The following COL5A2 variants were observed in gnomAD, a reference collection of about 807,000 sequenced individuals.
COL5A2 encodes the protein collagen type V alpha 2 chain, also known as collagen alpha-2(V) chain.
In COL5A2, 23 loss-of-function variants were observed where a neutral mutation model predicts 208.2. That is an observed-to-expected ratio of 0.11 (90% CI 0.08 to 0.16). COL5A2 has a LOEUF of 0.16. Among genes scored for constraint, COL5A2 ranks in the 10% least tolerant of loss-of-function variants. COL5A2 has a pLI of 1.00. For missense variants in COL5A2, 1,590 were observed against 1,956.4 expected, an observed-to-expected ratio of 0.81 and a Z score of 3.53; for synonymous variants, 625 against 628.5, an observed-to-expected ratio of 0.99 and a Z score of 0.08.
intron 1 of COL5A2, among the ~76,000 whole-genome samples, chr2:189,165,076 CT>C (rs1559132974): frequency 6.6e-6 from 1 of 152,178 alleles, no homozygotes; most frequent in Non-Finnish European, 1.5e-5. Context: ...CATATTTCCA[CT>C]TTTCTCAAAC....
At chr2:189,183,916 C>A (rs545160627), upstream of COL5A2, among the ~76,000 whole-genome samples, 1 of 152,234 alleles carries the variant, frequency 6.6e-6, no homozygotes, top group African/African-American at 2.4e-5. Context: ...CAGGCTCTGA[C>A]CTTTGCCTGA....
chr2:189,220,170 GACA>G (rs1258760986), intron 1 of COL5A2, among the ~76,000 whole-genome samples: 5 of 152,236 alleles, frequency 3.3e-5, no homozygotes, highest in African/African-American at 4.8e-5. Context: ...CTGACACCTG[GACA>G]ACAAGACTTT....
chr2:189,316,588 A>G, the COL5A2 span, among the ~76,000 whole-genome samples: 4 of 152,082 alleles, frequency 2.6e-5, no homozygotes, highest in Non-Finnish European at 5.9e-5. Flanking sequence ...GGGGTCCTTC[A>G]GAGGGTAAAG....
chr2:189,217,840 A>T (rs1689298509), intron 1 of COL5A2, among the ~76,000 whole-genome samples: 1 of 152,196 alleles, frequency 6.6e-6, no homozygotes, highest in Admixed American at 6.5e-5. Context: ...GATGACGCTC[A>T]GAGCACATTC....
At chr2:189,294,990 G>A in the COL5A2 span, among the ~76,000 whole-genome samples, 1 of 151,998 alleles carries the variant, frequency 6.6e-6, no homozygotes, top group Non-Finnish European at 1.5e-5. Flanking sequence ...TAATTTTTCT[G>A]TAGAGACAGG....
chr2:189,221,564 G>A (rs1689348013), intron 1 of COL5A2, among the ~76,000 whole-genome samples: 1 of 151,988 alleles, frequency 6.6e-6, no homozygotes, highest in Admixed American at 6.6e-5. Flanking sequence ...CATTAACACT[G>A]AAAGCACATA....
chr2:189,234,241 C>T, the COL5A2 span, among the ~76,000 whole-genome samples: 1 of 151,692 alleles, frequency 6.6e-6, no homozygotes, highest in Non-Finnish European at 1.5e-5. Context: ...CCACTACACA[C>T]ACCCTAGTTT....
At chr2:189,068,371 A>T (rs1686200190) in intron 19 of COL5A2, 101 bp from the exon 20 acceptor site, 1 of 1,061,486 alleles carries the variant, frequency 9.4e-7, no homozygotes, top group East Asian at 2.4e-5. Flanking sequence ...AGGAAGTAGA[A>T]GCATTTTTTA....
chr2:189,391,394 G>T, the COL5A2 span, among the ~76,000 whole-genome samples: 1 of 152,144 alleles, frequency 6.6e-6, no homozygotes, highest in African/African-American at 2.4e-5. Flanking sequence ...CTCCTCCGAT[G>T]ATGACAAACT....
chr2:189,224,769 T>A (rs1036549582), intron 1 of COL5A2, among the ~76,000 whole-genome samples: 1 of 151,912 alleles, frequency 6.6e-6, no homozygotes, highest in African/African-American at 2.4e-5. Context: ...ATGACATAAG[T>A]TTTTCAACTT....
the COL5A2 span, among the ~76,000 whole-genome samples, chr2:189,245,482 ATT>A: frequency 0.58 from 72,335 of 123,962 alleles, 20,905 homozygotes; most frequent in East Asian, 0.69. Context: ...TATACTCAAA[ATT>A]TTTTTTTTTT....
intron 1 of COL5A2, among the ~76,000 whole-genome samples, chr2:189,113,910 G>C (rs1310539090): frequency 6.6e-6 from 1 of 152,024 alleles, no homozygotes; most frequent in Non-Finnish European, 1.5e-5. Context: ...CTCCTTTAGG[G>C]TTGGAATAAA....
intron 1 of COL5A2, among the ~76,000 whole-genome samples, chr2:189,121,619 G>C (rs1489380513): frequency 6.9e-6 from 1 of 144,800 alleles, no homozygotes; most frequent in Non-Finnish European, 1.5e-5. Context: ...AGCCACACTG[G>C]GACAAACTAT....
the COL5A2 span, among the ~76,000 whole-genome samples, chr2:189,301,198 G>T: frequency 6.6e-6 from 1 of 151,560 alleles, no homozygotes; most frequent in South Asian, 2.1e-4. Flanking sequence ...AAAAAAAAAT[G>T]ATCTGTGACA....
At chr2:189,424,920 T>C in the COL5A2 span, among the ~76,000 whole-genome samples, 1 of 152,154 alleles carries the variant, frequency 6.6e-6, no homozygotes, top group Non-Finnish European at 1.5e-5. Context: ...ATTACAAAGC[T>C]CTAGTAACCC....
the COL5A2 span, among the ~76,000 whole-genome samples, chr2:189,435,722 G>T: frequency 6.6e-6 from 1 of 152,222 alleles, no homozygotes; most frequent in Non-Finnish European, 1.5e-5. Context: ...CTTTTACACT[G>T]TTGGTGGGAC....
the COL5A2 span, among the ~76,000 whole-genome samples, chr2:189,337,417 C>T: frequency 6.6e-6 from 1 of 151,860 alleles, no homozygotes; most frequent in Non-Finnish European, 1.5e-5. Flanking sequence ...CTCCTGACCT[C>T]GTGATCCGCC....
At chr2:189,140,270 A>G (rs1175100841) in intron 1 of COL5A2, among the ~76,000 whole-genome samples, 1 of 152,216 alleles carries the variant, frequency 6.6e-6, no homozygotes, top group African/African-American at 2.4e-5. Context: ...GGCAGAAAAT[A>G]AAACTAATAT....
the COL5A2 span, among the ~76,000 whole-genome samples, chr2:189,309,025 T>C: frequency 1.3e-5 from 2 of 152,178 alleles, no homozygotes. Context: ...ATTTGGTGAC[T>C]CTCTTGGGCA....
Sources: allele counts gnomAD v4.1 joint callset (sites outside exome capture counted in the v4.1 genomes callset), GRCh38; gene constraint gnomAD v4.1.1; transcripts MANE v1.5; gene names NCBI Gene and HGNC (gene_info 2026-07-23, HGNC 2026-07-21).